Variants in ARMC10 observed in about 807,000 individuals in gnomAD.
ARMC10 encodes the protein armadillo repeat-containing protein 10.
Under a neutral mutation model 30.2 loss-of-function variants are expected in ARMC10, and 23 were observed. The observed-to-expected ratio is 0.76, with a 90% CI of 0.55 to 1.08. ARMC10 has a LOEUF of 1.08. ARMC10 is among the 50% of genes least tolerant of loss of function. ARMC10 has a pLI of 0.00. For synonymous variants in ARMC10, 111 were observed against 164.4 expected, an observed-to-expected ratio of 0.68 and a Z score of 2.48; for missense variants, 303 against 413.7, an observed-to-expected ratio of 0.73 and a Z score of 2.32.
At chr7:103,092,732 A>C in intron 5 of ARMC10, 79 bp downstream of exon 5, 2 of 1,054,700 alleles carry the variant, frequency 1.9e-6, no homozygotes, top group East Asian at 5.5e-5. Flanking sequence ...GATGTGCCTC[A>C]AAGAGGAAGA....
At position 103,075,288 on chromosome 7, in the gene ARMC10, G is replaced by C. The variant is rs1247822904; in HGVS notation, c.16G>C (p.Gly6Arg). MGGPR[G>R]AGWVAAGLLL... ...CGGCGGCAGCATGGGTGGCCCCCGG[G>C]GCGCGGGCTGGGTGGCGGCGGGCCT... The change falls in exon 1 of 7, where the codon GGC becomes CGC. Residue 6 changes from glycine (G) to arginine (R), a missense_variant. Coordinates refer to ENST00000323716, the MANE Select transcript of ARMC10 (RefSeq NM_031905.5). 1.6e-6 allele frequency: 2 copies of C among 1,222,824 alleles called. No homozygotes were observed. Among genetic ancestry groups the C allele is most frequent in the Non-Finnish European group, 2.0e-6 (2 of 981,784 alleles). The allele number at this position is 1,222,824 out of a possible 1,614,324, so 75.7% of individuals were successfully genotyped here. A position where few individuals can be genotyped will look rare whatever the true frequency, so the allele number is the denominator to read the frequency against.
intron 5 of ARMC10, chr7:103,096,692 G>A (rs1801787106): frequency 6.5e-6 from 1 of 153,228 alleles, no homozygotes; most frequent in African/African-American, 2.4e-5. Context: ...ACATCCTTGA[G>A]ATGGGAAGGC....
rs746104924 is a variant in ARMC10, at chr7:103,075,335, C to T, written c.63C>T (p.Cys21=). The change falls in exon 1 of 7, where the codon TGC becomes TGT. Residue 21 remains cysteine (C), a synonymous_variant. Coordinates refer to ENST00000323716, the MANE Select transcript of ARMC10 (RefSeq NM_031905.5). The stretch of plus-strand genomic sequence containing the variant: ...GCCTGCTGCTCGGCGCGGGCGCCTG[C>T]TACTGCATTTACAGGCTGACCCGGG... ...AAGLLLGAGA[C]YCIYRLTRGR... is the part of the protein sequence containing the mutation. The T allele has an allele frequency of 1.3e-5, 16 of 1,254,990 alleles. No homozygotes were observed. In the African/African-American group the frequency reaches 1.8e-4, roughly 14 times the overall value. The allele number at this position is 1,254,990 out of a possible 1,614,324, so 77.7% of individuals were successfully genotyped here. A position where few individuals can be genotyped will look rare whatever the true frequency, so the allele number is the denominator to read the frequency against.
At chr7:103,096,845 T>C in intron 5 of ARMC10, 1 of 181,080 alleles carries the variant, frequency 5.5e-6, no homozygotes, top group Non-Finnish European at 1.2e-5. Context: ...TGTTCAGATG[T>C]GCATGTGAAT....
At position 103,083,837 on chromosome 7, in the gene ARMC10, A is replaced by T. The variant is rs1800600179; in HGVS notation, c.393+7A>T. On this transcript the variant is annotated splice_region_variant and intron_variant, in intron 3 of 6. Transcript: ENST00000323716. ...AGCCTTTTCAGTTAACCAAGTAAGTACCTCAACTCAGCAAGCAAGCTCTTT... is the reference window on the plus strand; with the variant it reads ...AGCCTTTTCAGTTAACCAAGTAAGTTCCTCAACTCAGCAAGCAAGCTCTTT... 1 of 1,612,368 alleles carries T rather than the reference A, an allele frequency of 6.2e-7. No individual in the cohort carries two copies. The highest frequency in any genetic ancestry group is 1.3e-5 in the African/African-American group (1 of 74,858).
chr7:103,081,524 C>G (rs1229095566), intron 2 of ARMC10, among the ~76,000 whole-genome samples: 1 of 152,124 alleles, frequency 6.6e-6, no homozygotes, highest in Non-Finnish European at 1.5e-5. Context: ...AGGCATCCTG[C>G]ACCACGCCTG....
chr7:103,078,489 A>C (rs944425307), intron 2 of ARMC10, among the ~76,000 whole-genome samples: 2 of 152,072 alleles, frequency 1.3e-5, no homozygotes, highest in Non-Finnish European at 1.5e-5. Flanking sequence ...TTCCCCTTCC[A>C]CCATGATTGT....
intron 2 of ARMC10, among the ~76,000 whole-genome samples, chr7:103,077,606 C>T (rs1800002918): frequency 6.6e-6 from 1 of 152,144 alleles, no homozygotes; most frequent in African/African-American, 2.4e-5. Context: ...CCTCATGATC[C>T]AGTCACCTCT....
At position 103,092,609 on chromosome 7, in the gene ARMC10, A is replaced by G; in HGVS notation, c.661A>G (p.Thr221Ala). ...CCAGCACATGCTTCACAGTTACATTACAGACCTGTTCCAGGTGTTACTTAC... is the reference window on the plus strand; with the variant it reads ...CCAGCACATGCTTCACAGTTACATTGCAGACCTGTTCCAGGTGTTACTTAC... ...DHQHMLHSYI[T>A]DLFQVLLTGN... Residue 221 changes from threonine (T) to alanine (A), a missense_variant, in exon 5 of 7, where the codon ACA becomes GCA. This residue lies in a region of ARMC10 where 170 missense variants were observed against 207.2 expected (regional missense o/e 0.82). Transcript: ENST00000323716. 1 of 1,601,356 alleles carries G rather than the reference A, an allele frequency of 6.2e-7. No individual in the cohort carries two copies. The highest frequency in any genetic ancestry group is 1.1e-5 in the South Asian group (1 of 90,368).
intron 5 of ARMC10, 140 bp downstream of exon 5, chr7:103,092,793 A>T (rs557324275): frequency 2.1e-4 from 113 of 550,792 alleles, no homozygotes; most frequent in Non-Finnish European, 3.0e-4. Flanking sequence ...TTTAGTCCCA[A>T]ATATTCCATT....
chr7:103,078,964 G>A (rs1206400065), intron 2 of ARMC10, among the ~76,000 whole-genome samples: 4 of 152,146 alleles, frequency 2.6e-5, no homozygotes, highest in African/African-American at 9.7e-5. Context: ...AGCTGTGATT[G>A]TGCCGCTGCT....
intron 4 of ARMC10, chr7:103,089,399 A>G (rs991666426): frequency 1.2e-5 from 2 of 167,876 alleles, no homozygotes; most frequent in Admixed American, 6.0e-5. Flanking sequence ...CCGTTACCCC[A>G]GTTACATCTG....
chr7:103,080,443 C>A (rs56047178), intron 2 of ARMC10, among the ~76,000 whole-genome samples: 1 of 151,654 alleles, frequency 6.6e-6, no homozygotes, highest in South Asian at 2.1e-4. Flanking sequence ...TTAGTAGAGA[C>A]GGGGTTTCAC....
At chr7:103,087,274 G>A (rs1340231794) in intron 4 of ARMC10, among the ~76,000 whole-genome samples, 1 of 152,206 alleles carries the variant, frequency 6.6e-6, no homozygotes, top group African/African-American at 2.4e-5. Flanking sequence ...TTCAATGGAT[G>A]AGGCAAATGT....
At chr7:103,080,976 TAATG>T (rs1186677537) in intron 2 of ARMC10, among the ~76,000 whole-genome samples, 1 of 152,168 alleles carries the variant, frequency 6.6e-6, no homozygotes, top group African/African-American at 2.4e-5. Flanking sequence ...GAGGAAAGAG[TAATG>T]TAGGAGTAAA....
rs35807068 is a variant in ARMC10 at position 103,098,788 on chromosome 7, C to G, written c.*235C>G. ...CTTTCTATTTTGCTATTTGCAAATG[C>G]TTGTTATCTTCCCTACATGAAGTGG... On this transcript the variant is annotated 3_prime_UTR_variant, in exon 7 of 7. Transcript: ENST00000323716. 3 of 298,130 alleles carry G rather than the reference C, an allele frequency of 1.0e-5. No homozygotes were observed. The highest frequency in any genetic ancestry group is 5.6e-5 in the Admixed American group (1 of 17,812). The allele number at this position is 298,130 out of a possible 1,614,324, so 18.5% of individuals were successfully genotyped here.
intron 3 of ARMC10, among the ~76,000 whole-genome samples, chr7:103,084,728 T>C (rs1800682708): frequency 6.6e-6 from 1 of 152,226 alleles, no homozygotes; most frequent in African/African-American, 2.4e-5. Flanking sequence ...TTTTATGTAT[T>C]GGTCTTTATC....
intron 4 of ARMC10, chr7:103,088,873 C>T (rs1283930511): frequency 1.3e-5 from 2 of 154,230 alleles, no homozygotes; most frequent in Non-Finnish European, 2.9e-5. Flanking sequence ...ACTCTTTTGC[C>T]ATAGTGTCCC....
chr7:103,083,438 G>C (rs1468022155), intron 2 of ARMC10, among the ~76,000 whole-genome samples: 1 of 152,168 alleles, frequency 6.6e-6, no homozygotes, highest in Non-Finnish European at 1.5e-5. Flanking sequence ...GGGCAACATA[G>C]TGAGACCCCC....
Sources: gnomAD v4.1 joint callset for allele counts (sites outside exome capture counted in the v4.1 genomes callset) on GRCh38, gnomAD v4.1.1 for gene constraint, gnomAD v4.1.1 regional missense constraint, MANE v1.5 for transcripts, NCBI Gene and HGNC (gene_info 2026-07-23, HGNC 2026-07-21) for gene names.